ITGAE: variants seen among roughly 807,000 people sequenced by gnomAD.
The protein encoded by ITGAE is integrin subunit alpha E.
A neutral mutation model predicts 136.5 loss-of-function variants in ITGAE; 99 were observed. That is an observed-to-expected ratio of 0.73 (90% CI 0.62 to 0.86). The LOEUF is 0.86. Among genes scored for constraint, ITGAE ranks in the 40% least tolerant of loss-of-function variants. ITGAE has a pLI of 0.00. For missense variants in ITGAE, 1,447 were observed against 1,515.3 expected (o/e 0.95, Z 0.75); for synonymous variants, 613 against 591.8 (o/e 1.04, Z -0.52).
At chr17:3,778,476 T>G (rs981203612) in intron 1 of ITGAE, among the ~76,000 whole-genome samples, 1 of 152,128 alleles carries the variant, frequency 6.6e-6, no homozygotes, top group African/African-American at 2.4e-5. Context: ...GGCAGGAGAA[T>G]TGCTTAAACC....
At chr17:3,724,265 C>T in intron 26 of ITGAE, 2 of 1,591,286 alleles carry the variant, frequency 1.3e-6, no homozygotes, top group Non-Finnish European at 1.7e-6. Context: ...CAAGCCTAAC[C>T]GTGACCCCAA....
intron 15 of ITGAE, 100 bp downstream of exon 15, chr17:3,751,537 ACCCCCGAGACCTG>A (rs1162433598): frequency 2.2e-6 from 2 of 926,810 alleles, no homozygotes; most frequent in Non-Finnish European, 3.3e-6. Flanking sequence ...GGCATTCCCA[ACCCCCGAGACCTG>A]CCCAGCACTT....
intron 29 of ITGAE, among the ~76,000 whole-genome samples, chr17:3,719,079 T>A (rs527257820): frequency 4.1e-5 from 6 of 146,354 alleles, no homozygotes; most frequent in Non-Finnish European, 7.4e-5. Context: ...TTAAAAAAAA[T>A]AAATAAATTA....
Position 3,761,520 on chromosome 17 carries a change from T to C in ITGAE, c.316A>G (p.Ile106Val), listed in dbSNP as rs778976663. The C allele has an allele frequency of 1.2e-6, 2 of 1,610,924 alleles. No individual in the cohort carries two copies. Residue 106 changes from isoleucine (I) to valine (V), a missense_variant and splice_region_variant, in exon 5 of 31, where the codon ATA (isoleucine) becomes GTA (valine). Around this residue, in one of 3 missense-constraint regions of ITGAE, gnomAD observed 310 missense variants for 416.1 expected, o/e 0.74. Transcript: ENST00000263087. ...TVVRSHHGVL[I>V]CIQVLVRRPH... ...CGCCGGACCAGCACTTGAATGCATA[T>C]CTGTGGGAGGGAAGAGAGGGTGGGG...
At chr17:3,785,831 A>C (rs2052779991) in intron 1 of ITGAE, among the ~76,000 whole-genome samples, 2 of 152,024 alleles carry the variant, frequency 1.3e-5, no homozygotes, top group African/African-American at 4.8e-5. Flanking sequence ...AACATGAATA[A>C]AAAATAGAAA....
At position 3,714,847 on chromosome 17, in the gene ITGAE, C is replaced by A; in HGVS notation, c.3540G>T (p.Ter1180TyrextTer29). 1 of 1,585,722 alleles carries A rather than the reference C, an allele frequency of 6.3e-7. No homozygotes were observed. The change falls in exon 31 of 31, where the codon TAG becomes TAT. Residue 1180 changes from the stop codon to tyrosine, a stop_lost. Transcript: ENST00000263087. ...KSENLLEEEN[*>Y] Reference sequence around the variant, plus strand: ...AGCCTCTCCCAGTGGATAGCAGGTCCTAATTCTCTTCTTCGAGCAGATTCT... The same window carrying A: ...AGCCTCTCCCAGTGGATAGCAGGTCATAATTCTCTTCTTCGAGCAGATTCT...
In ITGAE at chr17:3,794,048, G is replaced by A. The variant is rs139539570; in HGVS notation, c.34+7063C>T. Among the ~76,000 whole-genome samples the A allele has an allele frequency of 1.7e-3, 252 of 147,660 alleles. 2 individuals carry two copies. The highest frequency in any genetic ancestry group is 0.013 in the East Asian group (66 of 4,990). ...GGCTGGAGTGCAATGGCACGATCTC[G>A]GCTCATTGCAACCTCCGCCTCCTGG... On this transcript the variant is annotated intron_variant, in intron 1 of 30. Coordinates refer to ENST00000263087, the MANE Select transcript of ITGAE (RefSeq NM_002208.5).
intron 1 of ITGAE, among the ~76,000 whole-genome samples, chr17:3,795,944 C>A (rs35550913): frequency 9.3e-6 from 1 of 107,044 alleles, no homozygotes; most frequent in Non-Finnish European, 1.8e-5. Context: ...TGTGTGCATC[C>A]GTGTGTGCAT....
chr17:3,733,649 G>A (rs2051396434), intron 21 of ITGAE, among the ~76,000 whole-genome samples: 2 of 152,200 alleles, frequency 1.3e-5, no homozygotes, highest in African/African-American at 4.8e-5. Context: ...TCGAACTCCT[G>A]ACCTCAGGTG....
At position 3,744,442 on chromosome 17, in the gene ITGAE, T is replaced by TTCCC. The variant is rs2051663634; in HGVS notation, c.2320-826_2320-825insGGGA. On this transcript the variant is annotated intron_variant, in intron 18 of 30. Coordinates refer to ENST00000263087, the MANE Select transcript of ITGAE (RefSeq NM_002208.5). ...GCCACACCTGGGTTTATCAAGTTCT[T>TTCCC]TCTCTTTTTTTTTTTTTTTTTTGAG... 1.5e-5 allele frequency among the ~76,000 whole-genome samples: 2 copies of TTCCC among 137,874 alleles called. 1 individual carries two copies. The highest frequency in any genetic ancestry group is 5.7e-5 in the African/African-American group (2 of 35,274). 90.5% of individuals were successfully genotyped at this position (137,874 alleles called of 152,430 possible).
chr17:3,784,159 T>C lies in ITGAE; in HGVS notation c.35-6499A>G, dbSNP rs990465802. Among the ~76,000 whole-genome samples, 924 of 150,714 alleles carry C rather than the reference T, an allele frequency of 6.1e-3. 3 individuals carry two copies. Among genetic ancestry groups the C allele is most frequent in the African/African-American group, 8.4e-3 (344 of 41,084 alleles). ...CCTGTAGTCCCAGCTACTCGGGAGGTTGAGGCAGGAGAATGGCGTGAACCC... is the reference window on the plus strand; with the variant it reads ...CCTGTAGTCCCAGCTACTCGGGAGGCTGAGGCAGGAGAATGGCGTGAACCC... On this transcript the variant is annotated intron_variant, in intron 1 of 30. Transcript: ENST00000263087.
At chr17:3,780,879 T>A (rs1022501475) in intron 1 of ITGAE, among the ~76,000 whole-genome samples, 8 of 152,108 alleles carry the variant, frequency 5.3e-5, no homozygotes, top group African/African-American at 1.7e-4. Flanking sequence ...TTTTAAAAAA[T>A]TTTTTGTAGA....
Position 3,755,220 on chromosome 17 carries a change from G to A in ITGAE, c.1281C>T (p.Ser427=), listed in dbSNP as rs1053682096. The A allele has an allele frequency of 8.9e-6, 14 of 1,571,798 alleles. No individual in the cohort carries two copies. The highest frequency in any genetic ancestry group is 2.7e-5 in the African/African-American group (2 of 73,844). Residue 427 remains serine, a synonymous_variant, in exon 12 of 31, where the codon TCC becomes TCT. Transcript: ENST00000263087. The part of the protein sequence containing the change: ...LLGAVGAFDW[S]GGALLYDTRS... ...GTGTGTCGTAGAGCAACGCCCCTCC[G>A]GACCAGTCAAAGGCCCCGACGGCGC...
chr17:3,750,322 G>C (rs767929605), intron 16 of ITGAE, 30 bp downstream of exon 16: 44 of 1,612,208 alleles, frequency 2.7e-5, no homozygotes, highest in Non-Finnish European at 3.5e-5. Flanking sequence ...GGCTGGGCCT[G>C]GGACCCCAGA....
intron 16 of ITGAE, among the ~76,000 whole-genome samples, chr17:3,748,511 T>A (rs903369689): frequency 2.0e-5 from 3 of 152,012 alleles, no homozygotes; most frequent in Non-Finnish European, 4.4e-5. Context: ...TGCTTAAACC[T>A]GGGAGGCGGA....
chr17:3,782,598 C>T (rs4588016), intron 1 of ITGAE, among the ~76,000 whole-genome samples: 6,430 of 152,004 alleles, frequency 0.042, 213 homozygotes, highest in East Asian at 0.13. Flanking sequence ...GAACTCCTGA[C>T]CTCAGGTGAT....
intron 24 of ITGAE, among the ~76,000 whole-genome samples, chr17:3,728,964 C>T (rs1265720751): frequency 1.3e-5 from 2 of 150,170 alleles, no homozygotes; most frequent in Non-Finnish European, 3.0e-5. Flanking sequence ...TGAACCTGGG[C>T]GGCAGAGGTT....
At chr17:3,784,518 C>T (rs1255717856) in intron 1 of ITGAE, 1 of 159,084 alleles carries the variant, frequency 6.3e-6, no homozygotes, top group East Asian at 1.9e-4. Flanking sequence ...CCTCAGCCTC[C>T]CGAGTAGCTG....
chr17:3,757,931 T>A (rs536782221), intron 8 of ITGAE, 72 bp from the exon 9 acceptor site: 1 of 1,534,034 alleles, frequency 6.5e-7, no homozygotes, highest in African/African-American at 1.4e-5. Context: ...GAGACTTTAT[T>A]CTCTGACCTG....
Sources: allele counts gnomAD v4.1 joint callset (sites outside exome capture counted in the v4.1 genomes callset), GRCh38; gene constraint gnomAD v4.1.1; regional missense constraint gnomAD v4.1.1; transcripts MANE v1.5; gene names NCBI Gene and HGNC (gene_info 2026-07-23, HGNC 2026-07-21).